MTUS1: variants seen among roughly 807,000 people sequenced by gnomAD.
MTUS1 encodes the protein microtubule associated scaffold protein 1.
Under a neutral mutation model 120.8 loss-of-function variants are expected in MTUS1, and 109 were observed. The ratio of observed to expected loss-of-function variants is 0.90; its 90% confidence interval spans 0.77 to 1.06. The LOEUF is 1.06. Among genes scored for constraint, MTUS1 ranks in the 50% least tolerant of loss-of-function variants. The pLI is 0.00. For synonymous variants in MTUS1, 737 were observed against 550.5 expected (o/e 1.34, Z -4.74); for missense variants, 2,210 against 1,486.3 (o/e 1.49, Z -8.01).
Position 17,697,602 on chromosome 8 carries a change from A to G in MTUS1, c.2624-13060T>C, listed in dbSNP as rs1818243049. On this transcript the variant is annotated intron_variant, in intron 6 of 14. Transcript: ENST00000693296. The stretch of plus-strand genomic sequence containing the variant: ...TTCACTTTCAGATGTTGCCAAAATG[A>G]TGCTCTTCCTCTGAATACAATCTCC... 5 of 1,309,296 alleles carry G rather than the reference A, an allele frequency of 3.8e-6. No homozygotes were observed. The South Asian group carries it at 1.0e-4, about 27-fold the overall frequency. The allele number at this position is 1,309,296 out of a possible 1,614,324, so 81.1% of individuals were successfully genotyped here.
rs749726709 is a variant in MTUS1 at position 17,656,048 on chromosome 8, A to T, written c.2923T>A (p.Cys975Ser). Residue 975 changes from cysteine (C) to serine (S), a missense_variant, in exon 9 of 15, where the codon TGT becomes AGT. By Grantham distance (112) the Cys-to-Ser change is moderately radical. Transcript: ENST00000693296. ...RGELVTASTT[C>S]EKLEKARNEL... ...TTCCTGGCTTTTTCTAATTTCTCAC[A>T]GGTGGTTGAAGCAGTGACTGAAAAC... 1 of 1,614,164 alleles carries T rather than the reference A, an allele frequency of 6.2e-7. No homozygotes were observed. Among genetic ancestry groups the T allele is most frequent in the African/African-American group, 1.3e-5 (1 of 75,034 alleles).
At chr8:17,708,350 C>T (rs1820570854) in intron 6 of MTUS1, among the ~76,000 whole-genome samples, 1 of 152,206 alleles carries the variant, frequency 6.6e-6, no homozygotes, top group South Asian at 2.1e-4. Context: ...CACGAAATGA[C>T]ACTCAATGTC....
At chr8:17,695,226 A>G (rs1390552036) in intron 6 of MTUS1, among the ~76,000 whole-genome samples, 1 of 152,224 alleles carries the variant, frequency 6.6e-6, no homozygotes, top group Non-Finnish European at 1.5e-5. Flanking sequence ...CATGATTTTA[A>G]AAAGCCTCCA....
chr8:17,720,633 A>G (rs4921811), intron 4 of MTUS1, among the ~76,000 whole-genome samples: 6 of 152,192 alleles, frequency 3.9e-5, no homozygotes, highest in Admixed American at 2.6e-4. Context: ...CTTTCCTGCT[A>G]ACATCGCAAA....
intron 1 of MTUS1, among the ~76,000 whole-genome samples, chr8:17,757,097 TG>T (rs950831149): frequency 2.7e-4 from 41 of 152,272 alleles, no homozygotes; most frequent in African/African-American, 9.6e-4. Flanking sequence ...CAAATGTACA[TG>T]ATTCTAAATA....
Position 17,684,431 on chromosome 8 carries a change from C to CATTTTGTTTT in MTUS1, c.2725_2734dup (p.Cys912Ter). 6.2e-7 allele frequency: 1 copy of CATTTTGTTTT among 1,614,178 alleles called. No individual in the cohort carries two copies. Among genetic ancestry groups the CATTTTGTTTT allele is most frequent in the African/African-American group, 1.3e-5 (1 of 75,050 alleles). On this transcript the variant is annotated stop_gained and frameshift_variant, in exon 7 of 15. Transcript: ENST00000693296. LOFTEE classifies it high-confidence loss of function. ...CAGGATAAATCCACTTTGGTTTTCA[C>CATTTTGTTTT]ATTTTGTTTTATATTGCGTCAATTC...
chr8:17,714,327 C>CAG lies in MTUS1; in HGVS notation c.2585-1077_2585-1076dup, dbSNP rs369004609. ...CCATATTATCCTTTAAACACACACA[C>CAG]AGAGAGAGAGAGAGACATGTTAAGG... On this transcript the variant is annotated intron_variant, in intron 5 of 14. Coordinates refer to ENST00000693296, the MANE Select transcript of MTUS1 (RefSeq NM_001363059.2). 1.8e-3 allele frequency among the ~76,000 whole-genome samples: 270 copies of CAG among 151,318 alleles called. 1 individual carries two copies. The highest frequency in any genetic ancestry group is 5.5e-3 in the African/African-American group (229 of 41,392).
At chr8:17,709,376 C>A (rs1188997977) in intron 6 of MTUS1, among the ~76,000 whole-genome samples, 1 of 152,116 alleles carries the variant, frequency 6.6e-6, no homozygotes, top group Non-Finnish European at 1.5e-5. Context: ...GACAAGACAA[C>A]CCTCCTTCCT....
chr8:17,697,426 A>C (rs762294870), intron 6 of MTUS1: 2 of 1,599,426 alleles, frequency 1.3e-6, no homozygotes, highest in Admixed American at 3.4e-5. Flanking sequence ...ATTTCCATGG[A>C]CTGTCACATA....
At chr8:17,726,474 A>C (rs1360416023) in intron 3 of MTUS1, among the ~76,000 whole-genome samples, 1 of 152,118 alleles carries the variant, frequency 6.6e-6, no homozygotes, top group Non-Finnish European at 1.5e-5. Flanking sequence ...GCAAAGGTCT[A>C]GCATGGAGTG....
rs901223184 is a variant in MTUS1, at chr8:17,653,367, A to C, written c.3288+58T>G. ...GTACACAGAAACATTAAAACCAAAC[A>C]AAATCAAAAATGATATTTTTTTTTG... On this transcript the variant is annotated intron_variant, in intron 11 of 14. Coordinates refer to ENST00000693296, the MANE Select transcript of MTUS1 (RefSeq NM_001363059.2). The C allele has an allele frequency of 5.2e-6, 8 of 1,539,906 alleles. No individual in the cohort carries two copies. In the East Asian group the frequency reaches 1.6e-4, roughly 31 times the overall value.
At chr8:17,699,059 A>G (rs1466324893) in intron 6 of MTUS1, among the ~76,000 whole-genome samples, 1 of 152,168 alleles carries the variant, frequency 6.6e-6, no homozygotes, top group Non-Finnish European at 1.5e-5. Context: ...CCAAGAAACC[A>G]ATCAGCATTA....
intron 13 of MTUS1, 199 bp from the exon 14 acceptor site, chr8:17,647,278 A>C: frequency 1.9e-6 from 1 of 531,708 alleles, no homozygotes; most frequent in Non-Finnish European, 3.3e-6. Context: ...TATTTTTAAA[A>C]CATGTATGCC....
chr8:17,758,612 G>T (rs10110932), intron 1 of MTUS1, among the ~76,000 whole-genome samples: 7,189 of 152,272 alleles, frequency 0.047, 283 homozygotes, highest in African/African-American at 0.11. Flanking sequence ...CTTACATGCA[G>T]GGGATATAAT....
Position 17,755,303 on chromosome 8 carries a change from T to C in MTUS1, c.505A>G (p.Asn169Asp), listed in dbSNP as rs2048524361. ...QTFDMTVDKV[N>D]CTFISHHAIG... ...GCATGATGTGATATAAAGGTGCAGT[T>C]AACTTTATCCACTGTCATGTCAAAT... The change falls in exon 2 of 15, where the codon AAC (asparagine) becomes GAC (aspartate). Residue 169 changes from asparagine to aspartate, a missense_variant. Asn to Asp is a conservative substitution (Grantham distance 23, BLOSUM62 1). Coordinates refer to ENST00000693296, the MANE Select transcript of MTUS1 (RefSeq NM_001363059.2). 1.2e-6 allele frequency: 2 copies of C among 1,614,102 alleles called. No homozygotes were observed. Among genetic ancestry groups the C allele is most frequent in the Non-Finnish European group, 1.7e-6 (2 of 1,180,038 alleles).
intron 7 of MTUS1, 110 bp downstream of exon 7, chr8:17,684,218 A>G (rs967151874): frequency 1.3e-6 from 1 of 770,374 alleles, no homozygotes; most frequent in Non-Finnish European, 2.3e-6. Context: ...ATGACACCTG[A>G]TCTTTCCCAT....
At chr8:17,793,355 C>T (rs1475028359) in intron 1 of MTUS1, among the ~76,000 whole-genome samples, 1 of 152,132 alleles carries the variant, frequency 6.6e-6, no homozygotes, top group Non-Finnish European at 1.5e-5. Context: ...CTTCCCTCTG[C>T]TTGCTGAGTA....
chr8:17,738,105 C>T (rs1285066619), intron 3 of MTUS1, among the ~76,000 whole-genome samples: 1 of 152,140 alleles, frequency 6.6e-6, no homozygotes, highest in East Asian at 1.9e-4. Flanking sequence ...CTTTATTAAC[C>T]CACAATAAAC....
At chr8:17,671,564 T>C (rs1812024855) in intron 8 of MTUS1, among the ~76,000 whole-genome samples, 1 of 152,184 alleles carries the variant, frequency 6.6e-6, no homozygotes, top group Admixed American at 6.5e-5. Context: ...ACAGGCTGCT[T>C]TGGACACTGC....
Sources: gnomAD v4.1 joint callset for allele counts (sites outside exome capture counted in the v4.1 genomes callset) on GRCh38, gnomAD v4.1.1 for gene constraint, MANE v1.5 for transcripts, NCBI Gene and HGNC (gene_info 2026-07-23, HGNC 2026-07-21) for gene names.